IWS1: variants seen among roughly 807,000 people sequenced by gnomAD.
The protein encoded by IWS1 is interacts with SUPT6H, CTD assembly factor 1.
Under a neutral mutation model 86.7 loss-of-function variants are expected in IWS1, and 27 were observed. The observed-to-expected ratio is 0.31, with a 90% CI of 0.23 to 0.43. The LOEUF (loss-of-function observed/expected upper bound fraction) is 0.43. IWS1 is among the 20% of genes least tolerant of loss of function. The pLI is 1.00. For missense variants in IWS1, 827 were observed against 1,000.8 expected, an observed-to-expected ratio of 0.83 and a Z score of 2.34; for synonymous variants, 313 against 335.1, an observed-to-expected ratio of 0.93 and a Z score of 0.72.
intron 2 of IWS1, among the ~76,000 whole-genome samples, chr2:127,518,621 A>T (rs1437437213): frequency 6.8e-6 from 1 of 148,076 alleles, no homozygotes. Flanking sequence ...GCTAGAGTAC[A>T]ATGGCGTGAT....
At chr2:127,510,932 T>C (rs1023068364) in intron 2 of IWS1, among the ~76,000 whole-genome samples, 2 of 152,182 alleles carry the variant, frequency 1.3e-5, no homozygotes, top group Non-Finnish European at 2.9e-5. Flanking sequence ...CTCCAGATAT[T>C]AATTCAGTGT....
In IWS1 at chr2:127,525,393, A is replaced by G. The variant is rs368299290; in HGVS notation, c.34+782T>C. On this transcript the variant is annotated intron_variant, in intron 1 of 13. Coordinates refer to ENST00000295321, the MANE Select transcript of IWS1 (RefSeq NM_017969.3). ...CGCTTAAACAATTATTTAAGCACTC[A>G]AGTTTTCTTTTTAATTTTCAATTTT... Among the ~76,000 whole-genome samples the G allele has an allele frequency of 6.6e-5, 10 of 152,320 alleles. No homozygotes were observed. In the South Asian group the frequency reaches 2.1e-3, roughly 32 times the overall value.
intron 13 of IWS1, chr2:127,482,482 C>T (rs561397292): frequency 6.6e-6 from 1 of 152,340 alleles, no homozygotes; most frequent in African/African-American, 2.4e-5. Context: ...TCCCAGATTT[C>T]CTGGACAGTC....
intron 3 of IWS1, 70 bp downstream of exon 3, chr2:127,504,614 C>T: frequency 9.2e-7 from 1 of 1,087,314 alleles, no homozygotes; most frequent in Non-Finnish European, 1.4e-6. Context: ...CAAGAGGATA[C>T]AATGTTCCAC....
At chr2:127,513,100 G>A (rs1478934359) in intron 2 of IWS1, among the ~76,000 whole-genome samples, 3 of 152,224 alleles carry the variant, frequency 2.0e-5, no homozygotes, top group Non-Finnish European at 2.9e-5. Context: ...AAGTAGCTGG[G>A]TGTGGTGGCG....
In IWS1 at chr2:127,504,697, A is replaced by G; in HGVS notation, c.1206T>C (p.Asp402=). Residue 402 remains aspartate, a synonymous_variant, in exon 3 of 14, where the codon GAT becomes GAC. Coordinates refer to ENST00000295321, the MANE Select transcript of IWS1 (RefSeq NM_017969.3). ...GTAACTCCTTACATGCTTTCTCTTCATCTTCACTATCAGAAAGCACAGCAG... is the reference window on the plus strand; with the variant it reads ...GTAACTCCTTACATGCTTTCTCTTCGTCTTCACTATCAGAAAGCACAGCAG... ...RKAAVLSDSE[D]EEKASAKKSR... is the part of the protein sequence containing the mutation. 1.9e-6 allele frequency: 3 copies of G among 1,601,414 alleles called. No homozygotes were observed. Among genetic ancestry groups the G allele is most frequent in the Non-Finnish European group, 1.7e-6 (2 of 1,174,408 alleles).
At chr2:127,515,119 G>C (rs1416157979) in intron 2 of IWS1, among the ~76,000 whole-genome samples, 1 of 152,192 alleles carries the variant, frequency 6.6e-6, no homozygotes, top group African/African-American at 2.4e-5. Context: ...ACATTGTTGA[G>C]TATTTGTTTC....
intron 2 of IWS1, chr2:127,514,489 C>G (rs754792289): frequency 6.5e-6 from 1 of 153,452 alleles, no homozygotes; most frequent in Non-Finnish European, 1.5e-5. Flanking sequence ...TCTTGAGAGC[C>G]CAGACCTCGA....
intron 1 of IWS1, 86 bp from the exon 2 acceptor site, chr2:127,523,877 G>C (rs933991550): frequency 2.2e-6 from 2 of 924,080 alleles, no homozygotes; most frequent in Non-Finnish European, 3.4e-6. Context: ...CAAGAATAAC[G>C]TAAGTGCAAA....
chr2:127,516,940 A>G (rs1691808943), intron 2 of IWS1, among the ~76,000 whole-genome samples: 1 of 152,198 alleles, frequency 6.6e-6, no homozygotes, highest in African/African-American at 2.4e-5. Flanking sequence ...TTCCCCCACT[A>G]CAATGAAATA....
intron 2 of IWS1, among the ~76,000 whole-genome samples, chr2:127,520,061 A>G (rs900397975): frequency 1.3e-5 from 2 of 152,196 alleles, no homozygotes; most frequent in African/African-American, 4.8e-5. Context: ...ATAAGATAAT[A>G]ATTTTTCGTT....
intron 2 of IWS1, among the ~76,000 whole-genome samples, chr2:127,515,678 C>A (rs1166126399): frequency 1.3e-5 from 2 of 152,202 alleles, no homozygotes; most frequent in African/African-American, 4.8e-5. Flanking sequence ...AAAGCCTCTA[C>A]AAATGGTCCT....
In IWS1 at chr2:127,499,922, A is replaced by G. The variant is rs1690713397; in HGVS notation, c.1468-1685T>C. ...GGTCAACTGGATACTTCAAATAAGG[A>G]AAAAAATCTTGACTCTTACCTCATA... is the stretch of plus-strand genomic sequence containing the variant. On this transcript the variant is annotated intron_variant, in intron 5 of 13. Coordinates refer to ENST00000295321, the MANE Select transcript of IWS1 (RefSeq NM_017969.3). The surrounding 1 kb of genome is among the most constrained non-coding windows in gnomAD (Gnocchi z 4.0). Among the ~76,000 whole-genome samples, 1 of 152,144 alleles carries G rather than the reference A, an allele frequency of 6.6e-6. No individual in the cohort carries two copies.
At chr2:127,513,022 C>T (rs557294527) in intron 2 of IWS1, among the ~76,000 whole-genome samples, 44 of 152,216 alleles carry the variant, frequency 2.9e-4, no homozygotes, top group Non-Finnish European at 5.0e-4. Flanking sequence ...GGGTGGATCA[C>T]CTGAGGTCAG....
At chr2:127,517,157 C>T (rs1049730726) in intron 2 of IWS1, among the ~76,000 whole-genome samples, 1 of 152,146 alleles carries the variant, frequency 6.6e-6, no homozygotes, top group Non-Finnish European at 1.5e-5. Context: ...TTTACACTAC[C>T]AAGATGGCAA....
upstream of IWS1, chr2:127,526,530 A>G: frequency 6.9e-7 from 1 of 1,459,784 alleles, no homozygotes; most frequent in Non-Finnish European, 9.2e-7. Flanking sequence ...AGGCGCCGCA[A>G]CCCGTCAACC....
intron 13 of IWS1, chr2:127,482,223 G>A (rs1689666174): frequency 1.3e-5 from 2 of 152,238 alleles, no homozygotes; most frequent in South Asian, 4.1e-4. Context: ...TCTGGGGTCA[G>A]TACCAGCCTG....
At chr2:127,521,348 G>A (rs923896604) in intron 2 of IWS1, among the ~76,000 whole-genome samples, 2 of 152,180 alleles carry the variant, frequency 1.3e-5, no homozygotes, top group African/African-American at 4.8e-5. Flanking sequence ...TGAAACTGCA[G>A]GATAAATAAT....
At chr2:127,495,941 C>T in intron 7 of IWS1, 57 bp downstream of exon 7, 1 of 1,455,830 alleles carries the variant, frequency 6.9e-7, no homozygotes. Flanking sequence ...AAAAAAAGGG[C>T]ATCCAATAAA....
Sources: allele counts gnomAD v4.1 joint callset (sites outside exome capture counted in the v4.1 genomes callset), GRCh38; gene constraint gnomAD v4.1.1; non-coding constraint Gnocchi (gnomAD v3.1); transcripts MANE v1.5; gene names NCBI Gene and HGNC (gene_info 2026-07-23, HGNC 2026-07-21).